The following BPI variants were observed in gnomAD, a reference collection of about 807,000 sequenced individuals.
BPI encodes the protein bactericidal permeability increasing protein, also known as bactericidal permeability-increasing protein.
A neutral mutation model predicts 57.6 loss-of-function variants in BPI; 48 were observed. The ratio of observed to expected loss-of-function variants is 0.83; its 90% CI spans 0.66 to 1.06. The LOEUF is 1.06. Ranked by LOEUF, BPI falls within the 50% of genes least tolerant of loss-of-function variation. BPI has a pLI of 0.00. For synonymous variants in BPI, 237 were observed against 238.2 expected, an observed-to-expected ratio of 0.99 and a Z score of 0.05; for missense variants, 651 against 609.7, an observed-to-expected ratio of 1.07 and a Z score of -0.71.
intron 1 of BPI, 136 bp from the exon 2 acceptor site, chr20:38,307,431 T>C (rs757628555): frequency 1.1e-5 from 7 of 611,196 alleles, no homozygotes; most frequent in Non-Finnish European, 2.0e-5. Context: ...GAAACCTTAA[T>C]TGATCCCTGT....
chr20:38,326,317 C>T lies in BPI; in HGVS notation c.1046C>T (p.Thr349Ile). The change falls in exon 10 of 15, where the codon ACC (threonine) becomes ATC (isoleucine). Residue 349 changes from threonine to isoleucine, a missense_variant. Coordinates refer to ENST00000642449, the MANE Select transcript of BPI (RefSeq NM_001725.3). ...ATACAGATCCATGTCTCAGCCTCCA[C>T]CCCGCCACACCTGTCTGTGCAGCCC... ...MKIQIHVSAS[T>I]PPHLSVQPTG... 1.9e-6 allele frequency: 3 copies of T among 1,614,074 alleles called. No homozygotes were observed. The highest frequency in any genetic ancestry group is 2.5e-6 in the Non-Finnish European group (3 of 1,179,972).
Position 38,321,141 on chromosome 20 carries a change from GTGGATGGA to G in BPI, c.756+905_756+912del, listed in dbSNP as rs368875561. 4.6e-4 allele frequency among the ~76,000 whole-genome samples: 37 copies of G among 79,894 alleles called. 2 individuals are homozygous for G. The highest frequency in any genetic ancestry group is 0.013 in the Middle Eastern group (2 of 158). 52.4% of individuals were successfully genotyped at this position (79,894 alleles called of 152,430 possible). A position where few individuals can be genotyped will look rare whatever the true frequency, so the allele number is the denominator to read the frequency against. ...GGTGGATGGGTGGGTGGGTGTATTG[GTGGATGGA>G]TGGATGGATGGATGGATGGATGGAT... On this transcript the variant is annotated intron_variant, in intron 7 of 14. Transcript: ENST00000642449.
chr20:38,331,141 G>A, intron 12 of BPI, 51 bp downstream of exon 12: 1 of 1,579,834 alleles, frequency 6.3e-7, no homozygotes, highest in Non-Finnish European at 8.7e-7. Context: ...CTGGCGGCGG[G>A]GAGGGGGACA....
chr20:38,310,717 G>C, intron 4 of BPI, 65 bp downstream of exon 4: 1 of 1,562,326 alleles, frequency 6.4e-7, no homozygotes, highest in Non-Finnish European at 8.7e-7. Flanking sequence ...AATCATCCCT[G>C]TATTCCGAAA....
At position 38,310,683 on chromosome 20, in the gene BPI, A is replaced by C. The variant is rs770117927; in HGVS notation, c.536+31A>C. On this transcript the variant is annotated intron_variant, in intron 4 of 14. Transcript: ENST00000642449. ...GACTCCCGGGACTGTGGCTGGGAGGAGGGACTTAAAGAAGAACTCTCCCAA... is the reference window on the plus strand; with the variant it reads ...GACTCCCGGGACTGTGGCTGGGAGGCGGGACTTAAAGAAGAACTCTCCCAA... 4.4e-6 allele frequency: 7 copies of C among 1,593,780 alleles called. No individual in the cohort carries two copies. The Admixed American group carries it at 1.2e-4, about 27-fold the overall frequency.
intron 7 of BPI, 63 bp downstream of exon 7, chr20:38,320,337 C>CA (rs2076674995): frequency 6.8e-7 from 1 of 1,471,752 alleles, no homozygotes; most frequent in African/African-American, 1.4e-5. Context: ...CAGGGCTCCC[C>CA]AGTCCTTGGA....
rs1003750732 is a variant in BPI, at chr20:38,337,483, A to T, written c.*299A>T. 1 of 315,206 alleles carries T rather than the reference A, an allele frequency of 3.2e-6. No homozygotes were observed. Among genetic ancestry groups the T allele is most frequent in the East Asian group, 5.6e-5 (1 of 17,772 alleles). The allele number at this position is 315,206 out of a possible 1,614,324, so 19.5% of individuals were successfully genotyped here. The stretch of plus-strand genomic sequence containing the variant: ...TTCCATTTGTGCTTCATGAAAAAAA[A>T]CTTCTGGTTTTTTTCATGTGGATTC... On this transcript the variant is annotated 3_prime_UTR_variant, in exon 15 of 15. Coordinates refer to ENST00000642449, the MANE Select transcript of BPI (RefSeq NM_001725.3).
chr20:38,337,167 G>A lies in BPI; in HGVS notation c.1435G>A (p.Asp479Asn), dbSNP rs5743549. The change falls in exon 15 of 15, where the codon GAC becomes AAC. Residue 479 changes from aspartate to asparagine, a missense_variant. Coordinates refer to ENST00000642449, the MANE Select transcript of BPI (RefSeq NM_001725.3). The stretch of plus-strand genomic sequence containing the variant: ...CTAGAACTTCCTGCTGTTCGGTGCA[G>A]ACGTTGTCTATAAATGAAGGCACCA... ...PHQNFLLFGA[D>N]VVYK 1 of 1,594,190 alleles carries A rather than the reference G, an allele frequency of 6.3e-7. No homozygotes were observed. Among genetic ancestry groups the A allele is most frequent in the Non-Finnish European group, 8.5e-7 (1 of 1,172,022 alleles).
intron 3 of BPI, 45 bp from the exon 4 acceptor site, chr20:38,310,446 T>C: frequency 1.9e-6 from 3 of 1,591,236 alleles, no homozygotes; most frequent in Non-Finnish European, 1.7e-6. Context: ...TGAATGTCAG[T>C]GGGAAGAAAG....
chr20:38,324,717 C>A, intron 8 of BPI, 57 bp from the exon 9 acceptor site: 1 of 1,421,648 alleles, frequency 7.0e-7, no homozygotes, highest in Non-Finnish European at 9.9e-7. Context: ...GAACTCACCC[C>A]CTCTGCTCCG....
Position 38,318,455 on chromosome 20 carries a change from C to G in BPI, c.643C>G (p.Pro215Ala). Residue 215 changes from proline (P) to alanine (A), a missense_variant, in exon 6 of 15, where the codon CCT becomes GCT. By Grantham distance (27) the Pro-to-Ala change is conservative. Coordinates refer to ENST00000642449, the MANE Select transcript of BPI (RefSeq NM_001725.3). ...VTNSVSSELQ[P>A]YFQTLPVMTK... Reference sequence around the variant, plus strand: ...CAATTCTGTATCCTCCGAGCTGCAACCTTATTTCCAGACTCTGCCAGGTGA... The same window carrying G: ...CAATTCTGTATCCTCCGAGCTGCAAGCTTATTTCCAGACTCTGCCAGGTGA... 6.2e-7 allele frequency: 1 copy of G among 1,613,836 alleles called. No homozygotes were observed. Among genetic ancestry groups the G allele is most frequent in the African/African-American group, 1.3e-5 (1 of 75,022 alleles).
intron 14 of BPI, among the ~76,000 whole-genome samples, chr20:38,336,137 C>T (rs1487698610): frequency 1.3e-5 from 2 of 152,130 alleles, no homozygotes; most frequent in East Asian, 3.9e-4. Context: ...CTGCATTTGA[C>T]ACTGATGCGC....
intron 10 of BPI, 83 bp downstream of exon 10, chr20:38,326,515 T>A: frequency 7.0e-7 from 1 of 1,432,798 alleles, no homozygotes; most frequent in Non-Finnish European, 9.3e-7. Context: ...ACCATGTGAA[T>A]CCTGTCTGGA....
intron 3 of BPI, 120 bp downstream of exon 3, chr20:38,309,178 G>A: frequency 1.4e-6 from 2 of 1,395,740 alleles, no homozygotes; most frequent in Non-Finnish European, 2.0e-6. Context: ...TATAGCCACA[G>A]CGTTCCTCAG....
intron 2 of BPI, among the ~76,000 whole-genome samples, chr20:38,308,028 C>T (rs1448339570): frequency 6.6e-6 from 1 of 152,202 alleles, no homozygotes; most frequent in African/African-American, 2.4e-5. Context: ...TCAGGTTCAG[C>T]TTGAGGCAGG....
chr20:38,316,431 C>T (rs1025038382), intron 5 of BPI, among the ~76,000 whole-genome samples: 7 of 152,202 alleles, frequency 4.6e-5, no homozygotes, highest in Non-Finnish European at 1.0e-4. Flanking sequence ...GCTGGGTCCC[C>T]AGGCTGAAGC....
chr20:38,312,774 G>A (rs201767842), intron 5 of BPI, among the ~76,000 whole-genome samples: 1 of 30,862 alleles, frequency 3.2e-5, no homozygotes, highest in Non-Finnish European at 7.0e-5. Flanking sequence ...AAATACAGAT[G>A]GGGGGCATCA....
intron 5 of BPI, among the ~76,000 whole-genome samples, chr20:38,313,764 C>T (rs199505818): frequency 1.1e-4 from 12 of 113,740 alleles, no homozygotes; most frequent in South Asian, 3.4e-4. Context: ...ATGGTGATGA[C>T]GGTGATGGTG....
intron 13 of BPI, chr20:38,335,382 C>G: frequency 1.7e-6 from 1 of 589,564 alleles, no homozygotes; most frequent in Non-Finnish European, 3.0e-6. Flanking sequence ...GGAGTCCACG[C>G]AGGTGCTAGA....
Sources: gnomAD v4.1 joint callset for allele counts (sites outside exome capture counted in the v4.1 genomes callset) on GRCh38, gnomAD v4.1.1 for gene constraint, MANE v1.5 for transcripts, NCBI Gene and HGNC (gene_info 2026-07-23, HGNC 2026-07-21) for gene names.